Variants in NRXN3 observed in about 807,000 individuals in gnomAD.
NRXN3 encodes the protein neurexin 3, also known as neurexin III.
A neutral mutation model predicts 137.6 loss-of-function variants in NRXN3; 32 were observed. That is an observed-to-expected ratio of 0.23 (90% CI 0.18 to 0.31). NRXN3 has a LOEUF of 0.31. Ranked by LOEUF, NRXN3 falls within the 10% of genes least tolerant of loss-of-function variation. The pLI is 1.00. For synonymous variants in NRXN3, 798 were observed against 784.5 expected (o/e 1.02, Z -0.29); for missense variants, 1,574 against 2,062.5 (o/e 0.76, Z 4.59).
chr14:79,409,957 CTT>C (rs1461671308), intron 15 of NRXN3, among the ~76,000 whole-genome samples: 7 of 151,652 alleles, frequency 4.6e-5, no homozygotes, highest in Non-Finnish European at 1.0e-4. Context: ...CTTGTTTTGT[CTT>C]TGGGTAAAAG....
At chr14:78,358,789 C>T (rs1487748187) in intron 4 of NRXN3, among the ~76,000 whole-genome samples, 2 of 152,124 alleles carry the variant, frequency 1.3e-5, no homozygotes, top group Non-Finnish European at 2.9e-5. Flanking sequence ...GTTCAAAGAT[C>T]ACTGTGGCTT....
At chr14:79,383,211 G>C (rs1009368878) in intron 15 of NRXN3, among the ~76,000 whole-genome samples, 1 of 152,064 alleles carries the variant, frequency 6.6e-6, no homozygotes, top group African/African-American at 2.4e-5. Flanking sequence ...ATGGGGTGTA[G>C]GGAAATATAA....
At chr14:79,480,292 T>A (rs1436051632) in intron 16 of NRXN3, among the ~76,000 whole-genome samples, 4 of 152,198 alleles carry the variant, frequency 2.6e-5, no homozygotes, top group Admixed American at 2.0e-4. Flanking sequence ...TCATGTTTGC[T>A]ACTTATATCA....
At chr14:79,470,453 G>T (rs993314686) in intron 16 of NRXN3, among the ~76,000 whole-genome samples, 4 of 152,050 alleles carry the variant, frequency 2.6e-5, no homozygotes, top group Middle Eastern at 3.2e-3. Flanking sequence ...TGGCAGAAGG[G>T]CAGAAAGAGT....
chr14:79,373,469 A>C (rs1465726353), intron 15 of NRXN3, among the ~76,000 whole-genome samples: 1 of 152,234 alleles, frequency 6.6e-6, no homozygotes, highest in Non-Finnish European at 1.5e-5. Context: ...ACGTGGCAAT[A>C]AAAGATTCCG....
intron 3 of NRXN3, among the ~76,000 whole-genome samples, chr14:78,294,578 A>G (rs1386700180): frequency 6.9e-6 from 1 of 144,160 alleles, no homozygotes; most frequent in African/African-American, 2.6e-5. Flanking sequence ...AAAAAAAAAA[A>G]AGAAAAAGCT....
chr14:78,803,559 G>T (rs1474524541), intron 8 of NRXN3, 61 bp from the exon 9 acceptor site: 1 of 1,498,078 alleles, frequency 6.7e-7, no homozygotes, highest in East Asian at 2.3e-5. Flanking sequence ...TGAAAGCAAA[G>T]GGGTATTTGG....
chr14:79,494,671 T>G (rs568777741), intron 16 of NRXN3, among the ~76,000 whole-genome samples: 5 of 152,336 alleles, frequency 3.3e-5, no homozygotes, highest in African/African-American at 7.2e-5. Flanking sequence ...TTTAAACTTT[T>G]TATCGTGAAA....
chr14:78,601,570 A>G (rs1211674459), intron 4 of NRXN3, among the ~76,000 whole-genome samples: 4 of 151,508 alleles, frequency 2.6e-5, no homozygotes, highest in African/African-American at 9.7e-5. Flanking sequence ...CTCCTGCCTC[A>G]GCCTCCCAAG....
At chr14:79,463,192 T>C (rs1240970218) in intron 15 of NRXN3, among the ~76,000 whole-genome samples, 3 of 152,170 alleles carry the variant, frequency 2.0e-5, no homozygotes, top group African/African-American at 7.2e-5. Flanking sequence ...TTTAAGAACC[T>C]TGGAGAAATA....
chr14:79,009,351 A>G (rs573135398), intron 15 of NRXN3, among the ~76,000 whole-genome samples: 55 of 152,180 alleles, frequency 3.6e-4, no homozygotes, highest in African/African-American at 1.1e-3. Flanking sequence ...TAAAAACAAG[A>G]TATTTTGCTT....
intron 3 of NRXN3, among the ~76,000 whole-genome samples, chr14:78,297,250 T>A (rs974500788): frequency 6.6e-6 from 1 of 152,208 alleles, no homozygotes; most frequent in African/African-American, 2.4e-5. Context: ...GAGCAACTCT[T>A]GTAAACAGGA....
At chr14:79,673,321 G>C (rs1267955942) in intron 17 of NRXN3, among the ~76,000 whole-genome samples, 1 of 152,068 alleles carries the variant, frequency 6.6e-6, no homozygotes, top group Non-Finnish European at 1.5e-5. Flanking sequence ...CTGATGCTCT[G>C]TGTTGGCCTT....
At chr14:78,457,866 T>C (rs10136661) in intron 4 of NRXN3, among the ~76,000 whole-genome samples, 134,594 of 152,148 alleles carry the variant, frequency 0.88, 59,918 homozygotes, top group East Asian at 0.97. Context: ...GGTGATCTCT[T>C]GCATTAGTTC....
intron 19 of NRXN3, among the ~76,000 whole-genome samples, chr14:79,715,068 C>T (rs749692927): frequency 6.6e-6 from 1 of 152,178 alleles, no homozygotes; most frequent in East Asian, 1.9e-4. Flanking sequence ...ATTCTCCTGC[C>T]TCAGCCTCCT....
At chr14:79,794,543 G>A (rs926305290) in intron 19 of NRXN3, among the ~76,000 whole-genome samples, 18 of 152,268 alleles carry the variant, frequency 1.2e-4, no homozygotes, top group Admixed American at 1.2e-3. Flanking sequence ...TGTCTTCTAA[G>A]CAACTTCTGG....
chr14:79,547,604 C>T (rs1442212165), intron 16 of NRXN3, among the ~76,000 whole-genome samples: 1 of 152,080 alleles, frequency 6.6e-6, no homozygotes, highest in Non-Finnish European at 1.5e-5. Flanking sequence ...AAGGAGCAAG[C>T]ACAGCAGAGG....
At chr14:78,954,985 A>G (rs568886998) in intron 10 of NRXN3, among the ~76,000 whole-genome samples, 5 of 152,214 alleles carry the variant, frequency 3.3e-5, no homozygotes, top group African/African-American at 9.6e-5. Flanking sequence ...CAATGAAGCA[A>G]TGTTCCCAAA....
chr14:78,526,748 A>G (rs752316012), intron 4 of NRXN3: 27 of 517,884 alleles, frequency 5.2e-5, no homozygotes, highest in African/African-American at 5.0e-4. Flanking sequence ...GGTAGGGATG[A>G]TGACTATTTA....
Sources: gnomAD v4.1 joint callset for allele counts (sites outside exome capture counted in the v4.1 genomes callset) on GRCh38, gnomAD v4.1.1 for gene constraint, MANE v1.5 for transcripts, NCBI Gene and HGNC (gene_info 2026-07-23, HGNC 2026-07-21) for gene names.